The following REPS2 variants were observed in gnomAD, a reference collection of about 807,000 sequenced individuals.
REPS2 encodes the protein RALBP1 associated Eps domain containing 2.
Under a neutral mutation model 53.6 loss-of-function variants are expected in REPS2, and 23 were observed. The ratio of observed to expected loss-of-function variants is 0.43; its 90% CI spans 0.31 to 0.61. The LOEUF (loss-of-function observed/expected upper bound fraction) is 0.61, where lower values mean the gene tolerates loss of function less well. Among genes scored for constraint, REPS2 ranks in the 20% least tolerant of loss-of-function variants. The pLI is 0.11. For missense variants in REPS2, 446 were observed against 534.9 expected, an observed-to-expected ratio of 0.83 and a Z score of 1.64; for synonymous variants, 238 against 218.6, an observed-to-expected ratio of 1.09 and a Z score of -0.78.
intron 8 of REPS2, among the ~76,000 whole-genome samples, chrX:17,060,193 C>T (rs1235364692): frequency 9.1e-6 from 1 of 110,341 alleles, no homozygotes; most frequent in Non-Finnish European, 1.9e-5. Context: ...TCCCCAGCTA[C>T]TCGGGTGGCT....
chrX:17,088,338 T>A (rs2062569199), intron 13 of REPS2, among the ~76,000 whole-genome samples: 1 of 111,579 alleles, frequency 9.0e-6, no homozygotes, highest in South Asian at 3.7e-4. Context: ...TTGACCAAGA[T>A]TGAATCTCAT....
intron 6 of REPS2, among the ~76,000 whole-genome samples, chrX:17,048,338 T>C (rs986187028): frequency 2.2e-4 from 25 of 111,950 alleles, no homozygotes; most frequent in African/African-American, 8.1e-4. Context: ...ATAGTACAGA[T>C]ACAACAAATT....
chrX:16,959,145 C>T (rs1162176410), intron 1 of REPS2, among the ~76,000 whole-genome samples: 2 of 112,517 alleles, frequency 1.8e-5, no homozygotes, highest in African/African-American at 6.5e-5. Context: ...GTCACCCAGG[C>T]TGGAGCACAG....
intron 5 of REPS2, among the ~76,000 whole-genome samples, chrX:17,030,387 G>A (rs923316280): frequency 9.0e-6 from 1 of 110,708 alleles, no homozygotes; most frequent in African/African-American, 3.3e-5. Context: ...TAAAGAGGAA[G>A]TGGGGCAGTT....
intron 1 of REPS2, among the ~76,000 whole-genome samples, chrX:16,981,300 A>G (rs1448282995): frequency 8.9e-6 from 1 of 112,082 alleles, no homozygotes; most frequent in Non-Finnish European, 1.9e-5. Flanking sequence ...AGGTTTATCC[A>G]TTAAACTGTA....
At chrX:17,050,129 T>TCTTCCTTTCTTC (rs1569148114) in intron 6 of REPS2, among the ~76,000 whole-genome samples, 2 of 55,288 alleles carry the variant, frequency 3.6e-5, no homozygotes, top group African/African-American at 1.4e-4. Flanking sequence ...CTTCTTTCTT[T>TCTTCCTTTCTTC]CTTCCTTTCT....
chrX:16,956,197 C>CTT (rs11339565), intron 1 of REPS2, among the ~76,000 whole-genome samples: 1 of 86,985 alleles, frequency 1.1e-5, no homozygotes, highest in African/African-American at 4.2e-5. Flanking sequence ...AGAACTACAT[C>CTT]TTTTTTTTTT....
chrX:17,058,282 C>T (rs1413685610), intron 8 of REPS2, among the ~76,000 whole-genome samples: 1 of 109,650 alleles, frequency 9.1e-6, no homozygotes, highest in East Asian at 2.9e-4. Flanking sequence ...TGGTGAAACC[C>T]CATGCACTAA....
chrX:17,194,775 A>G, the REPS2 span, among the ~76,000 whole-genome samples: 1 of 111,940 alleles, frequency 8.9e-6, no homozygotes, highest in Non-Finnish European at 1.9e-5. Flanking sequence ...AATTCTTAAT[A>G]TTCTGAATGT....
At chrX:17,006,583 T>A (rs1360978796) in intron 2 of REPS2, among the ~76,000 whole-genome samples, 1 of 111,935 alleles carries the variant, frequency 8.9e-6, no homozygotes, top group African/African-American at 3.3e-5. Context: ...AAAATAGATT[T>A]TATTCTTTAG....
intron 1 of REPS2, among the ~76,000 whole-genome samples, chrX:16,990,612 GAA>G: frequency 1.1e-5 from 1 of 87,221 alleles, no homozygotes; most frequent in African/African-American, 4.2e-5. Context: ...TCTGTCTTAG[GAA>G]AAAAAAAAAA....
chrX:17,068,702 C>G (rs1326698371), intron 10 of REPS2, among the ~76,000 whole-genome samples: 2 of 112,654 alleles, frequency 1.8e-5, no homozygotes, highest in Non-Finnish European at 3.7e-5. Flanking sequence ...CATTGCTGAC[C>G]CTCAGCCTAC....
intron 13 of REPS2, among the ~76,000 whole-genome samples, chrX:17,079,456 T>C (rs2062425351): frequency 8.9e-6 from 1 of 112,049 alleles, no homozygotes; most frequent in African/African-American, 3.2e-5. Flanking sequence ...CTTGTTTTGC[T>C]TCCCTCCTGC....
At position 17,047,603 on chromosome X, in the gene REPS2, T is replaced by C. The variant is rs995868234; in HGVS notation, c.907+121T>C. On this transcript the variant is annotated intron_variant, in intron 6 of 17. Coordinates refer to ENST00000357277, the MANE Select transcript of REPS2 (RefSeq NM_004726.3). ...ATTTCAGTTTGTTTTTCATCTAAAGTCGAATTTCTTATCAGATGTAAACCA... is the reference window on the plus strand; with the variant it reads ...ATTTCAGTTTGTTTTTCATCTAAAGCCGAATTTCTTATCAGATGTAAACCA... The C allele has an allele frequency of 5.0e-5, 45 of 893,599 alleles. No individual in the cohort carries two copies. In the African/African-American group the frequency reaches 8.0e-4, roughly 16 times the overall value. 73.6% of individuals were successfully genotyped at this position (893,599 alleles called of 1,213,427 possible).
intron 5 of REPS2, among the ~76,000 whole-genome samples, chrX:17,037,191 C>T (rs1182028425): frequency 8.9e-6 from 1 of 111,758 alleles, no homozygotes; most frequent in Non-Finnish European, 1.9e-5. Flanking sequence ...GGAAGGATTT[C>T]TAGCTCTTAA....
At position 17,148,869 on chromosome X, in the gene REPS2, A is replaced by G. The variant is rs181373684; in HGVS notation, c.*1388A>G. The G allele has an allele frequency of 4.6e-5, 17 of 369,338 alleles. No individual in the cohort carries two copies. The highest frequency in any genetic ancestry group is 3.1e-4 in the African/African-American group (12 of 38,856). The allele number at this position is 369,338 out of a possible 1,213,427, so 30.4% of individuals were successfully genotyped here. ...TCTTAGGGTAGCAGGGTGGGGGTGTATAGGGTCTTTTTGAAGCAGTTTTGG... is the reference window on the plus strand; with the variant it reads ...TCTTAGGGTAGCAGGGTGGGGGTGTGTAGGGTCTTTTTGAAGCAGTTTTGG... On this transcript the variant is annotated 3_prime_UTR_variant, in exon 18 of 18. Coordinates refer to ENST00000357277, the MANE Select transcript of REPS2 (RefSeq NM_004726.3).
At chrX:17,044,603 C>T (rs2061878793) in intron 5 of REPS2, 1 of 111,630 alleles carries the variant, frequency 9.0e-6, no homozygotes, top group Admixed American at 9.5e-5. Flanking sequence ...TCATCTTTGC[C>T]ACCAAATCGT....
the REPS2 span, among the ~76,000 whole-genome samples, chrX:17,159,478 G>A: frequency 7.2e-5 from 8 of 111,183 alleles, no homozygotes; most frequent in African/African-American, 9.8e-5. Flanking sequence ...CCTGAAGGAT[G>A]GCACCCTGGA....
At chrX:17,129,991 C>G (rs1045684119) in intron 14 of REPS2, among the ~76,000 whole-genome samples, 6 of 112,069 alleles carry the variant, frequency 5.4e-5, no homozygotes, top group African/African-American at 1.9e-4. Flanking sequence ...CATGCGTAGA[C>G]TTGGGCCAGA....
Sources: allele counts gnomAD v4.1 joint callset (sites outside exome capture counted in the v4.1 genomes callset), GRCh38; gene constraint gnomAD v4.1.1; transcripts MANE v1.5; gene names NCBI Gene and HGNC (gene_info 2026-07-23, HGNC 2026-07-21).